The following PIP5K1B variants were observed in gnomAD, a reference collection of about 807,000 sequenced individuals.
PIP5K1B encodes the protein phosphatidylinositol 4-phosphate 5-kinase type-1 beta.
Under a neutral mutation model 67.0 loss-of-function variants are expected in PIP5K1B, and 42 were observed. The ratio of observed to expected loss-of-function variants is 0.63; its 90% CI spans 0.49 to 0.81. The LOEUF is 0.81. Among genes scored for constraint, PIP5K1B ranks in the 30% least tolerant of loss-of-function variants. The pLI is 0.00. For synonymous variants in PIP5K1B, 214 were observed against 231.4 expected (o/e 0.92, Z 0.68); for missense variants, 459 against 646.3 (o/e 0.71, Z 3.14).
At chr9:68,945,735 G>C in intron 14 of PIP5K1B, among the ~76,000 whole-genome samples, 1 of 152,164 alleles carries the variant, frequency 6.6e-6, no homozygotes, top group East Asian at 1.9e-4. Flanking sequence ...GCAACATGAG[G>C]TAACTTTCTC....
At chr9:68,873,613 A>AT (rs58977770) in intron 5 of PIP5K1B, among the ~76,000 whole-genome samples, 139,437 of 150,064 alleles carry the variant, frequency 0.93, 64,896 homozygotes, top group Admixed American at 0.96. Flanking sequence ...TATTTTTCTT[A>AT]TTTTTTTTTA....
At chr9:68,733,099 C>T (rs978434973) in intron 1 of PIP5K1B, among the ~76,000 whole-genome samples, 3 of 152,268 alleles carry the variant, frequency 2.0e-5, no homozygotes, top group African/African-American at 7.2e-5. Context: ...TGCTCATGTA[C>T]TTGTGTAGTT....
chr9:68,865,514 G>A (rs1823313274), intron 5 of PIP5K1B, among the ~76,000 whole-genome samples: 1 of 152,140 alleles, frequency 6.6e-6, no homozygotes, highest in South Asian at 2.1e-4. Flanking sequence ...AGAAATGGAG[G>A]ACTTCTGTGG....
chr9:68,889,269 G>T (rs895042106), intron 7 of PIP5K1B, 136 bp downstream of exon 7: 2 of 651,908 alleles, frequency 3.1e-6, no homozygotes, highest in African/African-American at 3.6e-5. Context: ...TTTAAATTAT[G>T]CTATGACATT....
intron 5 of PIP5K1B, among the ~76,000 whole-genome samples, chr9:68,871,309 A>C (rs1286633785): frequency 6.6e-6 from 1 of 152,212 alleles, no homozygotes; most frequent in African/African-American, 2.4e-5. Context: ...CTATCTGCTT[A>C]TGACTTTTCT....
chr9:68,707,479 G>A (rs1210301705), intron 1 of PIP5K1B: 1 of 152,130 alleles, frequency 6.6e-6, no homozygotes, highest in African/African-American at 2.4e-5. Context: ...TCACAGTTAG[G>A]TTTTCTGTCA....
chr9:68,941,968 T>C lies in PIP5K1B; in HGVS notation c.1502+1178T>C, dbSNP rs1827581861. On this transcript the variant is annotated intron_variant, in intron 14 of 15. Transcript: ENST00000265382. ...AAAGTAGATCAAGTGGGTAGCAAGG[T>C]GAGCCGCAAATCTTAGCTGGGCCTG... Among the ~76,000 whole-genome samples, 4 of 152,168 alleles carry C rather than the reference T, an allele frequency of 2.6e-5. No individual in the cohort carries two copies. The South Asian group carries it at 8.3e-4, about 32-fold the overall frequency.
intron 15 of PIP5K1B, among the ~76,000 whole-genome samples, chr9:68,995,358 G>A (rs1427674301): frequency 6.6e-6 from 1 of 152,150 alleles, no homozygotes; most frequent in Non-Finnish European, 1.5e-5. Flanking sequence ...TTTTATGGCA[G>A]TACATCTAGA....
chr9:68,753,408 C>T (rs1464227565), intron 2 of PIP5K1B, among the ~76,000 whole-genome samples: 2 of 147,838 alleles, frequency 1.4e-5, no homozygotes, highest in African/African-American at 2.5e-5. Flanking sequence ...GGCATGATCT[C>T]GGCTCACTGC....
intron 2 of PIP5K1B, among the ~76,000 whole-genome samples, chr9:68,778,532 C>G (rs1302085303): frequency 1.3e-5 from 2 of 152,190 alleles, no homozygotes; most frequent in Admixed American, 6.5e-5. Context: ...CCTATTTGTT[C>G]TAACTCAACA....
At chr9:68,854,768 A>C (rs1464365226) in intron 4 of PIP5K1B, among the ~76,000 whole-genome samples, 1 of 152,220 alleles carries the variant, frequency 6.6e-6, no homozygotes, top group Non-Finnish European at 1.5e-5. Context: ...GGAAGTACAA[A>C]ACTTGAAAGC....
chr9:68,815,310 G>T (rs935178819), intron 2 of PIP5K1B, among the ~76,000 whole-genome samples: 2 of 149,936 alleles, frequency 1.3e-5, no homozygotes, highest in Non-Finnish European at 3.0e-5. Flanking sequence ...TTGCATCTAA[G>T]AAATTTTTTT....
intron 2 of PIP5K1B, among the ~76,000 whole-genome samples, chr9:68,790,956 T>C (rs1215924937): frequency 6.6e-6 from 1 of 152,212 alleles, no homozygotes; most frequent in African/African-American, 2.4e-5. Flanking sequence ...TAAAAAATAC[T>C]CATTTACAAA....
intron 1 of PIP5K1B, among the ~76,000 whole-genome samples, chr9:68,726,676 A>G (rs2132277112): frequency 6.6e-6 from 1 of 152,338 alleles, no homozygotes; most frequent in Admixed American, 6.5e-5. Context: ...GGGTGCTAAT[A>G]TCCTCATTTC....
chr9:68,811,324 T>C (rs1833151740), intron 2 of PIP5K1B, among the ~76,000 whole-genome samples: 1 of 152,144 alleles, frequency 6.6e-6, no homozygotes, highest in Admixed American at 6.5e-5. Context: ...TCCTTACTCT[T>C]CCTGTGTTCT....
In PIP5K1B at chr9:68,706,468, C is replaced by A. The variant is rs79949154; in HGVS notation, c.-243+706C>A. On this transcript the variant is annotated intron_variant, in intron 1 of 15. Transcript: ENST00000265382. ...AGCGTGTTGTCATTTCTTATCCCCC[C>A]CAACCCCCAGCTCTCTTGTCTGGTG... Among the ~76,000 whole-genome samples, 803 of 152,284 alleles carry A rather than the reference C, an allele frequency of 5.3e-3. 12 individuals are homozygous for A. Among genetic ancestry groups the A allele is most frequent in the African/African-American group, 0.018 (737 of 41,554 alleles).
chr9:68,816,041 C>G (rs1331418434), intron 2 of PIP5K1B, among the ~76,000 whole-genome samples: 1 of 152,096 alleles, frequency 6.6e-6, no homozygotes. Context: ...AAAAATTGTT[C>G]TAAAATAACT....
At chr9:68,771,839 A>G (rs10781151) in intron 2 of PIP5K1B, among the ~76,000 whole-genome samples, 150,161 of 152,342 alleles carry the variant, frequency 0.99, 74,039 homozygotes, top group East Asian at 1. Context: ...AGCTCTGTGG[A>G]TGATAAAAAT....
At chr9:68,997,204 G>A (rs776151220) in intron 15 of PIP5K1B, among the ~76,000 whole-genome samples, 2 of 152,214 alleles carry the variant, frequency 1.3e-5, no homozygotes, top group African/African-American at 4.8e-5. Flanking sequence ...TGGAAAAAGC[G>A]TGAGAAAGAG....
Sources: allele counts gnomAD v4.1 joint callset (sites outside exome capture counted in the v4.1 genomes callset), GRCh38; gene constraint gnomAD v4.1.1; transcripts MANE v1.5; gene names NCBI Gene and HGNC (gene_info 2026-07-23, HGNC 2026-07-21).